IL1RAPL1: variants seen among roughly 807,000 people sequenced by gnomAD.
The protein encoded by IL1RAPL1 is interleukin 1 receptor accessory protein like 1.
In IL1RAPL1, 3 loss-of-function variants were observed where a neutral mutation model predicts 48.4. The observed-to-expected ratio is 0.06, with a 90% CI of 0.03 to 0.16. The LOEUF is 0.16. Ranked by LOEUF, IL1RAPL1 falls within the 10% of genes least tolerant of loss-of-function variation. IL1RAPL1 has a pLI of 1.00. For synonymous variants in IL1RAPL1, 185 were observed against 187.7 expected (o/e 0.99, Z 0.12); for missense variants, 349 against 530.6 (o/e 0.66, Z 3.36).
intron 8 of IL1RAPL1, among the ~76,000 whole-genome samples, chrX:29,931,603 T>G (rs147042835): frequency 0.025 from 2,805 of 112,393 alleles, 49 homozygotes; most frequent in Non-Finnish European, 0.032. Context: ...ATTTTCTAAA[T>G]GTAGTTCCAT....
chrX:29,938,145 T>G (rs1369304754), intron 8 of IL1RAPL1, among the ~76,000 whole-genome samples: 2 of 111,491 alleles, frequency 1.8e-5, no homozygotes, highest in Non-Finnish European at 3.8e-5. Flanking sequence ...CATGTAGCAA[T>G]GGGAGTAACT....
intron 6 of IL1RAPL1, among the ~76,000 whole-genome samples, chrX:29,884,103 A>G (rs1461667618): frequency 8.9e-6 from 1 of 111,868 alleles, no homozygotes; most frequent in Non-Finnish European, 1.9e-5. Context: ...GCTCAAGGAT[A>G]CTAAAAATGA....
intron 5 of IL1RAPL1, among the ~76,000 whole-genome samples, chrX:29,654,217 A>G (rs2147093229): frequency 9.0e-6 from 1 of 111,129 alleles, no homozygotes; most frequent in Admixed American, 9.6e-5. Flanking sequence ...TAAAGAGGTT[A>G]TCTTAGATGC....
chrX:29,470,351 G>C (rs895167469), intron 5 of IL1RAPL1, among the ~76,000 whole-genome samples: 1 of 111,473 alleles, frequency 9.0e-6, no homozygotes, highest in African/African-American at 3.3e-5. Context: ...TAGCTTACCA[G>C]AGGCTTCTGT....
intron 2 of IL1RAPL1, among the ~76,000 whole-genome samples, chrX:29,093,708 A>G (rs1928141232): frequency 8.9e-6 from 1 of 112,198 alleles, no homozygotes; most frequent in Non-Finnish European, 1.9e-5. Flanking sequence ...GGTAGGCATT[A>G]TTTCTACTCC....
At chrX:29,654,765 A>G (rs983299981) in intron 5 of IL1RAPL1, among the ~76,000 whole-genome samples, 2 of 112,061 alleles carry the variant, frequency 1.8e-5, no homozygotes, top group Non-Finnish European at 3.8e-5. Flanking sequence ...TAATTCATCT[A>G]GAGAAATGCA....
At chrX:29,263,282 A>G (rs932243538) in intron 2 of IL1RAPL1, among the ~76,000 whole-genome samples, 2 of 112,339 alleles carry the variant, frequency 1.8e-5, no homozygotes, top group Non-Finnish European at 3.8e-5. Flanking sequence ...GACATTTGTT[A>G]TTAATGATCT....
intron 5 of IL1RAPL1, among the ~76,000 whole-genome samples, chrX:29,528,704 T>C (rs1233135606): frequency 1.8e-5 from 2 of 111,983 alleles, no homozygotes; most frequent in African/African-American, 6.5e-5. Flanking sequence ...TCACCCAGGA[T>C]ACGCTCCTTT....
intron 5 of IL1RAPL1, among the ~76,000 whole-genome samples, chrX:29,617,166 T>C (rs956068101): frequency 8.9e-6 from 1 of 111,870 alleles, no homozygotes; most frequent in African/African-American, 3.3e-5. Flanking sequence ...GGTTACAGCC[T>C]CATCCCTGAA....
intron 5 of IL1RAPL1, among the ~76,000 whole-genome samples, chrX:29,512,803 A>G (rs6630885): frequency 0.44 from 49,091 of 110,385 alleles, 7,967 homozygotes; most frequent in East Asian, 0.7. Flanking sequence ...TTTCACAGTC[A>G]GAATGTAGAT....
At chrX:29,630,541 C>CTT (rs58658010) in intron 5 of IL1RAPL1, among the ~76,000 whole-genome samples, 2 of 97,478 alleles carry the variant, frequency 2.1e-5, no homozygotes, top group South Asian at 4.8e-4. Flanking sequence ...TTTCTCCAGA[C>CTT]TTTTTTTTTT....
chrX:29,851,250 T>G (rs908256112), intron 6 of IL1RAPL1, among the ~76,000 whole-genome samples: 1 of 111,807 alleles, frequency 8.9e-6, no homozygotes, highest in African/African-American at 3.3e-5. Flanking sequence ...TCATGCCCCT[T>G]TATCTCTTAA....
Position 29,873,572 on chromosome X carries a change from G to A in IL1RAPL1, c.779-43892G>A, listed in dbSNP as rs149508773. Among the ~76,000 whole-genome samples the A allele has an allele frequency of 6.8e-3, 760 of 111,757 alleles. 7 individuals carry two copies. The highest frequency in any genetic ancestry group is 0.023 in the Middle Eastern group (5 of 217). The stretch of plus-strand genomic sequence containing the variant: ...CAAAAAGTGTAATCCGTGAAGCAGA[G>A]AGCTCACGCCAGACATTGAATCTGC... On this transcript the variant is annotated intron_variant, in intron 6 of 10. Coordinates refer to ENST00000378993, the MANE Select transcript of IL1RAPL1 (RefSeq NM_014271.4).
At chrX:29,885,476 G>C (rs1435903072) in intron 6 of IL1RAPL1, among the ~76,000 whole-genome samples, 5 of 111,309 alleles carry the variant, frequency 4.5e-5, no homozygotes, top group Non-Finnish European at 9.4e-5. Flanking sequence ...AGTAGTGCCT[G>C]GCACATAGAA....
chrX:28,857,649 C>T (rs1388962488), intron 2 of IL1RAPL1, among the ~76,000 whole-genome samples: 1 of 111,336 alleles, frequency 9.0e-6, no homozygotes. Context: ...GAGTATTCTG[C>T]ATCCATTGTT....
chrX:28,858,036 T>C (rs1249086654), intron 2 of IL1RAPL1, among the ~76,000 whole-genome samples: 3 of 112,201 alleles, frequency 2.7e-5, no homozygotes, highest in Non-Finnish European at 1.9e-5. Context: ...CTCTTGCAGA[T>C]GATTTTGAAT....
chrX:29,797,302 A>C (rs753014549), intron 6 of IL1RAPL1, among the ~76,000 whole-genome samples: 2 of 112,504 alleles, frequency 1.8e-5, no homozygotes, highest in South Asian at 7.3e-4. Context: ...TTTCAAGAAA[A>C]GGAGAATCCA....
chrX:29,666,751 C>A (rs771885817), intron 5 of IL1RAPL1, among the ~76,000 whole-genome samples: 1 of 110,678 alleles, frequency 9.0e-6, no homozygotes, highest in African/African-American at 3.3e-5. Flanking sequence ...GAACAGGGAA[C>A]AGTTCTCTCA....
chrX:28,793,799 A>G (rs1936581084), intron 2 of IL1RAPL1, among the ~76,000 whole-genome samples: 1 of 111,072 alleles, frequency 9.0e-6, no homozygotes, highest in South Asian at 3.8e-4. Flanking sequence ...CTGGATGTAG[A>G]AATTAGGTAA....
Sources: gnomAD v4.1 joint callset for allele counts (sites outside exome capture counted in the v4.1 genomes callset) on GRCh38, gnomAD v4.1.1 for gene constraint, MANE v1.5 for transcripts, NCBI Gene and HGNC (gene_info 2026-07-23, HGNC 2026-07-21) for gene names.